PHF24: variants seen among roughly 807,000 people sequenced by gnomAD.
The protein encoded by PHF24 is Galpha inhibitory interacting protein.
In PHF24, 25 loss-of-function variants were observed where a neutral mutation model predicts 42.6. The observed-to-expected ratio is 0.59, with a 90% CI of 0.43 to 0.82. PHF24 has a LOEUF of 0.82. PHF24 is among the 40% of genes least tolerant of loss of function. The pLI is 0.00. For missense variants in PHF24, 470 were observed against 538.1 expected, an observed-to-expected ratio of 0.87 and a Z score of 1.25; for synonymous variants, 185 against 204.8, an observed-to-expected ratio of 0.90 and a Z score of 0.83.
chr9:34,750,705 C>T, the PHF24 span, among the ~76,000 whole-genome samples: 2 of 151,220 alleles, frequency 1.3e-5, no homozygotes, highest in Non-Finnish European at 2.9e-5. Flanking sequence ...ACAATAGATA[C>T]ACAAAAAACA....
At chr9:34,929,829 C>T in the PHF24 span, among the ~76,000 whole-genome samples, 3 of 152,156 alleles carry the variant, frequency 2.0e-5, no homozygotes, top group African/African-American at 4.8e-5. Flanking sequence ...ATGGCCTCCC[C>T]GACTCTTCAT....
the PHF24 span, among the ~76,000 whole-genome samples, chr9:34,867,276 A>C: frequency 6.6e-6 from 1 of 152,220 alleles, no homozygotes; most frequent in African/African-American, 2.4e-5. Flanking sequence ...GAACAGATTC[A>C]GTTCCCATTT....
At chr9:34,723,239 G>A in the PHF24 span, 2 of 1,551,226 alleles carry the variant, frequency 1.3e-6, no homozygotes, top group Non-Finnish European at 1.7e-6. Flanking sequence ...GAGCTAGGTT[G>A]GGTGCCCTGG....
At chr9:34,967,437 G>A (rs372992505) in intron 1 of PHF24, among the ~76,000 whole-genome samples, 115 of 152,274 alleles carry the variant, frequency 7.6e-4, no homozygotes, top group African/African-American at 2.7e-3. Flanking sequence ...TGTGTCTACA[G>A]GGTTATCACA....
the PHF24 span, among the ~76,000 whole-genome samples, chr9:34,943,503 T>C: frequency 6.6e-6 from 1 of 152,218 alleles, no homozygotes; most frequent in African/African-American, 2.4e-5. Flanking sequence ...CCTCGTATTC[T>C]ATTAGAACCA....
chr9:34,850,015 G>C, the PHF24 span, among the ~76,000 whole-genome samples: 2 of 152,138 alleles, frequency 1.3e-5, no homozygotes, highest in Non-Finnish European at 1.5e-5. Flanking sequence ...CCCGACCTTT[G>C]TCTCTGGCTG....
the PHF24 span, among the ~76,000 whole-genome samples, chr9:34,780,304 T>TC: frequency 2.5e-5 from 2 of 79,764 alleles, no homozygotes; most frequent in South Asian, 3.9e-4. Flanking sequence ...TTTTCTTTTT[T>TC]TTTTTTTTTT....
exon 8 of PHF24, chr9:34,982,353 C>T (rs1827425628): frequency 6.6e-6 from 1 of 152,244 alleles, no homozygotes; most frequent in Admixed American, 6.5e-5. Context: ...TCTGGTCCCT[C>T]ATGCCCTTCC....
the PHF24 span, chr9:34,894,401 C>T: frequency 2.5e-6 from 1 of 398,512 alleles, no homozygotes; most frequent in Non-Finnish European, 4.4e-6. Context: ...GATCACAGAC[C>T]AGACTAGCAG....
At chr9:34,689,282 A>C in the PHF24 span, among the ~76,000 whole-genome samples, 1 of 152,196 alleles carries the variant, frequency 6.6e-6, no homozygotes, top group Admixed American at 6.5e-5. The surrounding 1 kb of genome is among the most constrained non-coding windows in gnomAD (Gnocchi z 4.1). Flanking sequence ...TGGCTCATTC[A>C]GGGAACTGAC....
At chr9:34,736,011 G>C in the PHF24 span, among the ~76,000 whole-genome samples, 1 of 152,004 alleles carries the variant, frequency 6.6e-6, no homozygotes, top group African/African-American at 2.4e-5. Context: ...TCTGGAAATA[G>C]TAAGTATAGT....
At chr9:34,730,333 C>G in the PHF24 span, among the ~76,000 whole-genome samples, 1 of 152,166 alleles carries the variant, frequency 6.6e-6, no homozygotes, top group Non-Finnish European at 1.5e-5. Flanking sequence ...ACCTGCCTAG[C>G]TTTTGTAGAT....
chr9:34,702,660 A>G, the PHF24 span, among the ~76,000 whole-genome samples: 3 of 152,172 alleles, frequency 2.0e-5, no homozygotes, highest in African/African-American at 7.2e-5. Flanking sequence ...AATTACAAAT[A>G]TAGGCCTGGC....
the PHF24 span, among the ~76,000 whole-genome samples, chr9:34,682,234 C>T: frequency 6.9e-6 from 1 of 145,974 alleles, no homozygotes; most frequent in Non-Finnish European, 1.5e-5. Context: ...CCTGCTTTGG[C>T]CTCCCAAAGT....
chr9:34,808,808 G>A, the PHF24 span, among the ~76,000 whole-genome samples: 1 of 148,266 alleles, frequency 6.7e-6, no homozygotes. Flanking sequence ...ACCTCCTAAA[G>A]GTCCACCTCT....
exon 4 of PHF24, chr9:34,976,164 T>G: frequency 1.2e-6 from 2 of 1,613,954 alleles, no homozygotes; most frequent in Non-Finnish European, 1.7e-6. Context: ...CAACATCAAC[T>G]TGCTGCTTAC....
chr9:34,735,848 T>C, the PHF24 span, among the ~76,000 whole-genome samples: 1 of 151,728 alleles, frequency 6.6e-6, no homozygotes, highest in Non-Finnish European at 1.5e-5. Flanking sequence ...GACTTAGATA[T>C]ATGATACATA....
At chr9:34,688,298 C>A in the PHF24 span, among the ~76,000 whole-genome samples, 1 of 152,190 alleles carries the variant, frequency 6.6e-6, no homozygotes, top group African/African-American at 2.4e-5. Context: ...CCTTGTCACT[C>A]CCAGCTGGAG....
the PHF24 span, among the ~76,000 whole-genome samples, chr9:34,802,163 C>A: frequency 1.3e-5 from 2 of 151,796 alleles, no homozygotes; most frequent in Admixed American, 1.3e-4. Context: ...TTTTAATCTG[C>A]CCATCAACTC....
Sources: allele counts gnomAD v4.1 joint callset (sites outside exome capture counted in the v4.1 genomes callset), GRCh38; gene constraint gnomAD v4.1.1; non-coding constraint Gnocchi (gnomAD v3.1); transcripts MANE v1.5; gene names NCBI Gene and HGNC (gene_info 2026-07-23, HGNC 2026-07-21).